Variants in MYO1E observed in about 807,000 individuals in gnomAD.
MYO1E encodes the protein myosin IE, also known as unconventional myosin-Ie.
In MYO1E, 68 loss-of-function variants were observed where a neutral mutation model predicts 151.1. The ratio of observed to expected loss-of-function variants is 0.45; its 90% confidence interval spans 0.37 to 0.55. MYO1E has a LOEUF of 0.55. MYO1E is among the 20% of genes least tolerant of loss of function. MYO1E has a pLI of 0.00. For missense variants in MYO1E, 1,363 were observed against 1,389.3 expected (o/e 0.98, Z 0.30); for synonymous variants, 601 against 501.7 (o/e 1.20, Z -2.64).
chr15:59,208,623 C>G, intron 14 of MYO1E, 58 bp downstream of exon 14: 3 of 1,596,086 alleles, frequency 1.9e-6, no homozygotes, highest in Non-Finnish European at 2.6e-6. Flanking sequence ...CATGAGAAAC[C>G]AGATCACAAA....
At chr15:59,233,339 T>C (rs1177347901) in intron 5 of MYO1E, among the ~76,000 whole-genome samples, 1 of 152,008 alleles carries the variant, frequency 6.6e-6, no homozygotes, top group Non-Finnish European at 1.5e-5. Flanking sequence ...GCGGGCATAT[T>C]AGGGAAAAGA....
At chr15:59,178,774 G>A (rs916187308) in intron 18 of MYO1E, among the ~76,000 whole-genome samples, 4 of 152,154 alleles carry the variant, frequency 2.6e-5, no homozygotes, top group African/African-American at 7.2e-5. Flanking sequence ...GCATTCCCAC[G>A]TCAACACCCT....
At chr15:59,234,511 T>C (rs936790272) in intron 5 of MYO1E, among the ~76,000 whole-genome samples, 7 of 152,282 alleles carry the variant, frequency 4.6e-5, no homozygotes, top group Admixed American at 3.9e-4. Flanking sequence ...CAGTACATGA[T>C]AGAACACTAT....
chr15:59,148,818 A>G (rs1455194272), intron 26 of MYO1E, among the ~76,000 whole-genome samples: 2 of 152,100 alleles, frequency 1.3e-5, no homozygotes, highest in South Asian at 2.1e-4. Flanking sequence ...TGTTTTTCCA[A>G]CTTCTAGTTG....
intron 25 of MYO1E, among the ~76,000 whole-genome samples, chr15:59,154,396 G>A (rs185418967): frequency 6.6e-5 from 10 of 152,362 alleles, no homozygotes; most frequent in African/African-American, 2.2e-4. Flanking sequence ...GCCAAACAGC[G>A]ATGTCTAGTT....
intron 1 of MYO1E, among the ~76,000 whole-genome samples, chr15:59,352,668 T>C (rs2080829863): frequency 6.6e-6 from 1 of 152,224 alleles, no homozygotes. Flanking sequence ...TTAAAGTAGA[T>C]ACAAATGCTG....
intron 1 of MYO1E, among the ~76,000 whole-genome samples, chr15:59,364,933 C>T (rs1042120247): frequency 5.9e-5 from 9 of 152,130 alleles, no homozygotes; most frequent in Admixed American, 5.9e-4. Flanking sequence ...AACAAAGAAA[C>T]AATGCATTTG....
rs71119441 is a variant in MYO1E at position 59,209,815 on chromosome 15, C to CTTTTTTTTTTTTT, written c.1362+686_1362+698dup. Reference sequence around the variant, plus strand: ...CTGTATCACTTTTATTTTGAATCACCTTTTTTTTTTTTTTTTTTTTTTTTT... The same window carrying CTTTTTTTTTTTTT: ...CTGTATCACTTTTATTTTGAATCACCTTTTTTTTTTTTTTTTTTTTTTTTTTTTTTTTTTTTTT... On this transcript the variant is annotated intron_variant, in intron 13 of 27. Transcript: ENST00000288235. Among the ~76,000 whole-genome samples the CTTTTTTTTTTTTT allele has an allele frequency of 3.2e-3, 160 of 49,870 alleles. 14 individuals are homozygous for CTTTTTTTTTTTTT. The highest frequency in any genetic ancestry group is 7.6e-3 in the South Asian group (9 of 1,190). The allele number at this position is 49,870 out of a possible 152,430, so 32.7% of individuals were successfully genotyped here.
At chr15:59,353,571 C>T (rs1346372760) in intron 1 of MYO1E, among the ~76,000 whole-genome samples, 1 of 151,004 alleles carries the variant, frequency 6.6e-6, no homozygotes, top group Non-Finnish European at 1.5e-5. Flanking sequence ...ATCTGGCTAA[C>T]ATGGAGAAAC....
At chr15:59,148,965 A>G (rs1201216367) in intron 26 of MYO1E, among the ~76,000 whole-genome samples, 1 of 151,654 alleles carries the variant, frequency 6.6e-6, no homozygotes, top group African/African-American at 2.4e-5. Context: ...GATTAGGTAC[A>G]TTTCAGTTAT....
At chr15:59,309,948 G>A (rs2080539926) in intron 1 of MYO1E, among the ~76,000 whole-genome samples, 1 of 152,096 alleles carries the variant, frequency 6.6e-6, no homozygotes, top group East Asian at 1.9e-4. Context: ...AGATCTTAGT[G>A]GTTCTCCTTC....
At chr15:59,297,358 G>A (rs1375879179) in intron 1 of MYO1E, among the ~76,000 whole-genome samples, 12 of 146,716 alleles carry the variant, frequency 8.2e-5, no homozygotes, top group African/African-American at 2.0e-4. Context: ...TGCAACCTCC[G>A]CCTCCTGGTT....
At position 59,228,828 on chromosome 15, in the gene MYO1E, C is replaced by T. The variant is rs571727749; in HGVS notation, c.511-1238G>A. Among the ~76,000 whole-genome samples the T allele has an allele frequency of 2.6e-5, 4 of 152,294 alleles. No individual in the cohort carries two copies. The South Asian group carries it at 8.3e-4, about 32-fold the overall frequency. On this transcript the variant is annotated intron_variant, in intron 6 of 27. Transcript: ENST00000288235. ...AAGGGCAAGAAAAGTACTGTGCACA[C>T]TGCAAATGTGTGAGTACATGCCGTG...
intron 1 of MYO1E, among the ~76,000 whole-genome samples, chr15:59,372,188 G>C (rs1437465732): frequency 3.3e-5 from 5 of 151,848 alleles, no homozygotes; most frequent in African/African-American, 1.2e-4. Flanking sequence ...CCCCTCCCGC[G>C]CCGTGCCCCT....
chr15:59,279,502 T>C (rs1168154725), intron 1 of MYO1E, among the ~76,000 whole-genome samples: 5 of 152,110 alleles, frequency 3.3e-5, no homozygotes, highest in African/African-American at 1.2e-4. Flanking sequence ...AGACTAGCCC[T>C]CCCAGCCAAG....
chr15:59,201,346 G>A (rs973977032), intron 16 of MYO1E, among the ~76,000 whole-genome samples: 13 of 151,606 alleles, frequency 8.6e-5, no homozygotes, highest in African/African-American at 3.1e-4. Context: ...CTCCCTCCTC[G>A]GCCTCCAAAA....
chr15:59,208,514 A>C (rs2079855339), intron 14 of MYO1E, 167 bp downstream of exon 14: 2 of 777,034 alleles, frequency 2.6e-6, no homozygotes, highest in Admixed American at 5.2e-5. Flanking sequence ...CATACAAAAA[A>C]ATGCAGTAGT....
chr15:59,283,096 C>T (rs367668997), intron 1 of MYO1E, among the ~76,000 whole-genome samples: 56 of 150,634 alleles, frequency 3.7e-4, no homozygotes, highest in African/African-American at 1.3e-3. Context: ...GGGAGACGGG[C>T]GGTCAGAGGA....
At chr15:59,259,272 A>T (rs569808373) in intron 3 of MYO1E, among the ~76,000 whole-genome samples, 4 of 152,308 alleles carry the variant, frequency 2.6e-5, no homozygotes, top group African/African-American at 9.6e-5. Context: ...TACTTTTTGT[A>T]AGGGTTAGAG....
Sources: gnomAD v4.1 joint callset for allele counts (sites outside exome capture counted in the v4.1 genomes callset) on GRCh38, gnomAD v4.1.1 for gene constraint, MANE v1.5 for transcripts, NCBI Gene and HGNC (gene_info 2026-07-23, HGNC 2026-07-21) for gene names.